Variants in GALR1 observed in about 807,000 individuals in gnomAD.
The protein encoded by GALR1 is galanin receptor 1, also known as galanin receptor type 1.
GALR1 carries 11 observed loss-of-function variants against 17.9 expected under a neutral mutation model. That is an observed-to-expected ratio of 0.62 (90% confidence interval 0.39 to 1.02). The LOEUF is 1.02. GALR1 is among the 50% of genes least tolerant of loss of function. The probability of loss-of-function intolerance (pLI) is 0.01; values close to 1 mark genes in which losing one functional copy is unlikely to be tolerated. For missense variants in GALR1, 441 were observed against 456.9 expected (o/e 0.97, Z 0.32); for synonymous variants, 206 against 205.7 (o/e 1.00, Z -0.01).
chr18:77,258,440 GTGGTGGTGGTGGTGATGA>G lies in GALR1; in HGVS notation c.732+2228_732+2245del, dbSNP rs1337891654. Reference sequence around the variant, plus strand: ...TGTTTGCACAGAATAAATAAATGTGGTGGTGGTGGTGGTGATGATGGTGGTGGTATTGGTGGTGGTGAT... The same window carrying G: ...TGTTTGCACAGAATAAATAAATGTGGTGGTGGTGGTATTGGTGGTGGTGAT... On this transcript the variant is annotated intron_variant, in intron 2 of 2. Transcript: ENST00000299727. 4.3e-4 allele frequency among the ~76,000 whole-genome samples: 65 copies of G among 151,822 alleles called. No homozygotes were observed. The South Asian group carries it at 0.013, about 29-fold the overall frequency.
At chr18:77,262,218 TAAAAA>T (rs796942805) in intron 2 of GALR1, among the ~76,000 whole-genome samples, 1 of 125,498 alleles carries the variant, frequency 8.0e-6, no homozygotes, top group Admixed American at 8.0e-5. Flanking sequence ...CTATCCGAAT[TAAAAA>T]AAAAAAAAAA....
Position 77,272,404 on chromosome 18 carries a change from A to G in GALR1, c.*3502A>G, listed in dbSNP as rs1417193499. ...TTCCTTTTCAGTCATGGCCATGGCT[A>G]TCTGTAAACACCAAAATGCTCATGC... On this transcript the variant is annotated 3_prime_UTR_variant, in exon 3 of 3. Transcript: ENST00000299727. The G allele has an allele frequency of 6.6e-6, 1 of 152,384 alleles. No homozygotes were observed. Among genetic ancestry groups the G allele is most frequent in the African/African-American group, 2.4e-5 (1 of 41,598 alleles). The allele number at this position is 152,384 out of a possible 1,614,324, so 9.4% of individuals were successfully genotyped here. A position where few individuals can be genotyped will look rare whatever the true frequency, so the allele number is the denominator to read the frequency against.
intron 1 of GALR1, among the ~76,000 whole-genome samples, chr18:77,252,379 C>A (rs1422397398): frequency 6.6e-6 from 1 of 152,232 alleles, no homozygotes; most frequent in Non-Finnish European, 1.5e-5. Context: ...TTCAATAAGG[C>A]TGTGACTATA....
rs191955572 is a variant in GALR1, at chr18:77,275,924, A to G, written c.*7022A>G. ...TGTTCTTAACAGCCTCATGGGGCCTAGAGGAACTTTTACATGGTAGACACT... is the reference window on the plus strand; with the variant it reads ...TGTTCTTAACAGCCTCATGGGGCCTGGAGGAACTTTTACATGGTAGACACT... On this transcript the variant is annotated 3_prime_UTR_variant, in exon 3 of 3. Transcript: ENST00000299727. 2 of 152,190 alleles carry G rather than the reference A, an allele frequency of 1.3e-5. No individual in the cohort carries two copies. The highest frequency in any genetic ancestry group is 2.1e-4 in the South Asian group (1 of 4,832). The allele number at this position is 152,190 out of a possible 1,614,324, so 9.4% of individuals were successfully genotyped here.
chr18:77,260,796 A>G (rs918574797), intron 2 of GALR1, among the ~76,000 whole-genome samples: 1 of 152,232 alleles, frequency 6.6e-6, no homozygotes, highest in Non-Finnish European at 1.5e-5. Context: ...TTTCTGGCTC[A>G]AAGCTGATTG....
At position 77,268,567 on chromosome 18, in the gene GALR1, C is replaced by G. The variant is rs768530888; in HGVS notation, c.733-18C>G. 6.3e-7 allele frequency: 1 copy of G among 1,591,220 alleles called. No homozygotes were observed. The highest frequency in any genetic ancestry group is 1.7e-5 in the Admixed American group (1 of 58,984). ...GCCTCCTCCTCCTCCTCCTCCTCCTCCTCTTCTTCTTTTCTAGACTGCACA... is the reference window on the plus strand; with the variant it reads ...GCCTCCTCCTCCTCCTCCTCCTCCTGCTCTTCTTCTTTTCTAGACTGCACA... On this transcript the variant is annotated intron_variant, in intron 2 of 2. Coordinates refer to ENST00000299727, the MANE Select transcript of GALR1 (RefSeq NM_001480.4).
chr18:77,258,906 G>T, intron 2 of GALR1, among the ~76,000 whole-genome samples: 1 of 123,314 alleles, frequency 8.1e-6, no homozygotes, highest in East Asian at 2.8e-4. Context: ...ATGGTGGTGG[G>T]CGGTAGTGGT....
At chr18:77,258,159 CATT>C (rs1284066175) in intron 2 of GALR1, among the ~76,000 whole-genome samples, 2 of 152,010 alleles carry the variant, frequency 1.3e-5, no homozygotes, top group African/African-American at 4.8e-5. Context: ...TTAGTTCAGT[CATT>C]AGTTATATAC....
intron 2 of GALR1, among the ~76,000 whole-genome samples, chr18:77,267,141 G>T (rs960057909): frequency 6.6e-6 from 1 of 152,234 alleles, no homozygotes; most frequent in Admixed American, 6.5e-5. Context: ...GAACAGAGGA[G>T]GCTGGGGAAG....
chr18:77,250,694 T>C lies in GALR1; in HGVS notation c.146T>C (p.Leu49Pro). The part of the protein sequence containing the change: ...VFGLIFALGV[L>P]GNSLVITVLA... ...GGCCTGATCTTCGCGCTGGGTGTGCTGGGCAACAGCCTAGTGATCACCGTG... is the reference window on the plus strand; with the variant it reads ...GGCCTGATCTTCGCGCTGGGTGTGCCGGGCAACAGCCTAGTGATCACCGTG... The change falls in exon 1 of 3, where the codon CTG (leucine) becomes CCG (proline). Residue 49 changes from leucine to proline, a missense_variant. Coordinates refer to ENST00000299727, the MANE Select transcript of GALR1 (RefSeq NM_001480.4). The C allele has an allele frequency of 6.2e-7, 1 of 1,613,402 alleles. No homozygotes were observed. Among genetic ancestry groups the C allele is most frequent in the Admixed American group, 1.7e-5 (1 of 60,004 alleles).
At chr18:77,252,729 T>C (rs1327605402) in intron 1 of GALR1, among the ~76,000 whole-genome samples, 1 of 151,770 alleles carries the variant, frequency 6.6e-6, no homozygotes, top group Non-Finnish European at 1.5e-5. Flanking sequence ...GCCCCTGTAG[T>C]CCCAGCTACT....
chr18:77,250,087 G>A lies in GALR1; in HGVS notation c.-462G>A, dbSNP rs749587235. On this transcript the variant is annotated 5_prime_UTR_variant, in exon 1 of 3. Coordinates refer to ENST00000299727, the MANE Select transcript of GALR1 (RefSeq NM_001480.4). ...GCGCTGGGCAGTGCGGGGAAGCGCC[G>A]CGGGAAGGAGCGGCTCCGAGCAACA... Among the ~76,000 whole-genome samples the A allele has an allele frequency of 6.6e-6, 1 of 152,170 alleles. No individual in the cohort carries two copies. Among genetic ancestry groups the A allele is most frequent in the Non-Finnish European group, 1.5e-5 (1 of 68,020 alleles).
chr18:77,260,308 AG>A (rs1912802834), intron 2 of GALR1, among the ~76,000 whole-genome samples: 1 of 152,044 alleles, frequency 6.6e-6, no homozygotes, highest in African/African-American at 2.4e-5. Flanking sequence ...CTCTTTCATA[AG>A]GGGACTGGTC....
At chr18:77,251,810 G>T (rs981718452) in intron 1 of GALR1, among the ~76,000 whole-genome samples, 3 of 152,224 alleles carry the variant, frequency 2.0e-5, no homozygotes, top group South Asian at 2.1e-4. Flanking sequence ...CCCTCGCTCC[G>T]AAGGCTTTGC....
rs886272314 is a variant in GALR1, at chr18:77,276,874, A to T, written c.*7972A>T. 3.9e-5 allele frequency: 6 copies of T among 152,226 alleles called. No homozygotes were observed. Among genetic ancestry groups the T allele is most frequent in the Non-Finnish European group, 7.3e-5 (5 of 68,036 alleles). The allele number at this position is 152,226 out of a possible 1,614,324, so 9.4% of individuals were successfully genotyped here. On this transcript the variant is annotated 3_prime_UTR_variant, in exon 3 of 3. Coordinates refer to ENST00000299727, the MANE Select transcript of GALR1 (RefSeq NM_001480.4). ...TTGTAAGTTTTCAAAAGCATGAAGG[A>T]GTTTAATAACTTGTAAGACTTTCAG... is the stretch of plus-strand genomic sequence containing the variant.
At chr18:77,267,656 G>A (rs181425141) in intron 2 of GALR1, among the ~76,000 whole-genome samples, 11 of 152,326 alleles carry the variant, frequency 7.2e-5, no homozygotes, top group East Asian at 1.9e-4. Context: ...CTAGACTCCC[G>A]TAATTAAAGC....
At chr18:77,255,856 G>T (rs1912576080) in intron 1 of GALR1, among the ~76,000 whole-genome samples, 1 of 152,154 alleles carries the variant, frequency 6.6e-6, no homozygotes, top group Non-Finnish European at 1.5e-5. Flanking sequence ...GTGGGTCATG[G>T]CATGGCTGTT....
chr18:77,267,806 A>G (rs1343564895), intron 2 of GALR1, among the ~76,000 whole-genome samples: 4 of 152,164 alleles, frequency 2.6e-5, no homozygotes, highest in Admixed American at 6.5e-5. Context: ...TTCCAGTCCC[A>G]TAGGTTTGTG....
chr18:77,262,266 C>T (rs1053687826), intron 2 of GALR1, among the ~76,000 whole-genome samples: 1 of 151,420 alleles, frequency 6.6e-6, no homozygotes, highest in Non-Finnish European at 1.5e-5. Context: ...GGCATACTAA[C>T]CTACTTAAAT....
Sources: allele counts gnomAD v4.1 joint callset (sites outside exome capture counted in the v4.1 genomes callset), GRCh38; gene constraint gnomAD v4.1.1; transcripts MANE v1.5; gene names NCBI Gene and HGNC (gene_info 2026-07-23, HGNC 2026-07-21).